ACCSL: variants seen among roughly 807,000 people sequenced by gnomAD.
The protein encoded by ACCSL is probable inactive 1-aminocyclopropane-1-carboxylate synthase-like protein 2.
Under a neutral mutation model 61.7 loss-of-function variants are expected in ACCSL, and 55 were observed. The observed-to-expected ratio is 0.89, with a 90% CI of 0.72 to 1.12. The LOEUF is 1.12. Ranked by LOEUF, ACCSL falls within the 50% of genes most tolerant of loss-of-function variation. The pLI is 0.00. For missense variants in ACCSL, 632 were observed against 698.0 expected (o/e 0.91, Z 1.07); for synonymous variants, 258 against 264.3 (o/e 0.98, Z 0.23).
Position 44,053,115 on chromosome 11 carries a change from A to C in ACCSL, c.948+47A>C, listed in dbSNP as rs776676379. The C allele has an allele frequency of 7.2e-6, 11 of 1,536,124 alleles. No individual in the cohort carries two copies. The South Asian group carries it at 1.2e-4, about 17-fold the overall frequency. On this transcript the variant is annotated intron_variant, in intron 7 of 13. Coordinates refer to ENST00000378832, the MANE Select transcript of ACCSL (RefSeq NM_001031854.2). Reference sequence around the variant, plus strand: ...TAGGATGGCCACTGCTGGTCCTAAAAGGGGTTTGAGTATTGAAATTCTGGT... The same window carrying C: ...TAGGATGGCCACTGCTGGTCCTAAACGGGGTTTGAGTATTGAAATTCTGGT...
the ACCSL span, chr11:43,933,235 A>C: frequency 2.2e-6 from 1 of 454,066 alleles, no homozygotes; most frequent in Admixed American, 2.4e-5. Flanking sequence ...CGAGGCTACA[A>C]GCCCAGTCTC....
At chr11:44,026,070 T>A in the ACCSL span, among the ~76,000 whole-genome samples, 1 of 152,202 alleles carries the variant, frequency 6.6e-6, no homozygotes, top group Non-Finnish European at 1.5e-5. Flanking sequence ...GTGTGCAGAT[T>A]AATATTTTCA....
chr11:44,004,898 C>A, the ACCSL span, among the ~76,000 whole-genome samples: 1 of 152,178 alleles, frequency 6.6e-6, no homozygotes, highest in Admixed American at 6.5e-5. Flanking sequence ...GGAGTTCTTT[C>A]CCATCGAGGG....
chr11:43,964,351 C>T, the ACCSL span, among the ~76,000 whole-genome samples: 1 of 151,340 alleles, frequency 6.6e-6, no homozygotes, highest in East Asian at 1.9e-4. Context: ...GCAGGAGAAT[C>T]ACTTGAACCT....
chr11:43,972,944 A>G, the ACCSL span, among the ~76,000 whole-genome samples: 1 of 152,142 alleles, frequency 6.6e-6, no homozygotes, highest in Non-Finnish European at 1.5e-5. Flanking sequence ...GGAGTTTGAG[A>G]CCAGCTTGGG....
the ACCSL span, among the ~76,000 whole-genome samples, chr11:43,971,702 A>G: frequency 1.3e-5 from 2 of 152,198 alleles, no homozygotes; most frequent in Non-Finnish European, 2.9e-5. Context: ...ATGGAGTACT[A>G]GGTGTGAAGG....
the ACCSL span, among the ~76,000 whole-genome samples, chr11:43,980,371 G>A: frequency 6.6e-6 from 1 of 152,186 alleles, no homozygotes; most frequent in Non-Finnish European, 1.5e-5. Flanking sequence ...AAACATTGGA[G>A]CAATTTATGT....
the ACCSL span, among the ~76,000 whole-genome samples, chr11:43,970,529 G>C: frequency 1.3e-5 from 2 of 152,152 alleles, no homozygotes. Context: ...GAGAACATAC[G>C]TCTCATTCCT....
the ACCSL span, among the ~76,000 whole-genome samples, chr11:43,959,561 G>T: frequency 6.6e-6 from 1 of 152,264 alleles, no homozygotes; most frequent in Non-Finnish European, 1.5e-5. Flanking sequence ...GGGGAGTGAT[G>T]CAAGAGACAC....
the ACCSL span, chr11:43,943,793 T>C: frequency 1.1e-5 from 14 of 1,303,534 alleles, no homozygotes; most frequent in Non-Finnish European, 1.4e-5. The surrounding 1 kb of genome is among the most constrained non-coding windows in gnomAD (Gnocchi z 4.8). Flanking sequence ...TTGCGATGGC[T>C]GAAGGCATTT....
At chr11:44,058,898 A>G (rs1205315403) in intron 13 of ACCSL, among the ~76,000 whole-genome samples, 199 bp downstream of exon 13, 1 of 152,132 alleles carries the variant, frequency 6.6e-6, no homozygotes, top group Non-Finnish European at 1.5e-5. Flanking sequence ...CATTTGGGGT[A>G]TCTGTTCTGT....
At chr11:44,039,499 G>T in the ACCSL span, among the ~76,000 whole-genome samples, 1 of 151,878 alleles carries the variant, frequency 6.6e-6, no homozygotes, top group African/African-American at 2.4e-5. Context: ...TTGGGGACTC[G>T]GGGGGAAAGG....
In ACCSL at chr11:44,048,340, A is replaced by G; in HGVS notation, c.304A>G (p.Arg102Gly). ...LQVPLPSEDS[R>G]GDVRYGQRAQ... ...AGTGCCTCTTCCTTCTGAGGACTCTAGGGGTGATGTCAGATATGGGCAGAG... is the reference window on the plus strand; with the variant it reads ...AGTGCCTCTTCCTTCTGAGGACTCTGGGGGTGATGTCAGATATGGGCAGAG... The change falls in exon 1 of 14, where the codon AGG becomes GGG. Residue 102 changes from arginine to glycine, a missense_variant. Arg to Gly is a moderately radical substitution (Grantham distance 125, BLOSUM62 -2). Transcript: ENST00000378832. 6.2e-7 allele frequency: 1 copy of G among 1,613,918 alleles called. No homozygotes were observed. The highest frequency in any genetic ancestry group is 8.5e-7 in the Non-Finnish European group (1 of 1,179,956).
At chr11:43,928,952 T>C in the ACCSL span, among the ~76,000 whole-genome samples, 71 of 152,184 alleles carry the variant, frequency 4.7e-4, no homozygotes, top group African/African-American at 1.6e-3. Flanking sequence ...TCCAAGATGC[T>C]TCAGAGGAAA....
upstream of ACCSL, among the ~76,000 whole-genome samples, chr11:44,046,842 A>G (rs571523885): frequency 2.6e-5 from 4 of 152,252 alleles, no homozygotes; most frequent in South Asian, 8.3e-4. Context: ...ACCTTCTGGG[A>G]TCTTGCTATC....
chr11:44,033,266 T>G, the ACCSL span, among the ~76,000 whole-genome samples: 20 of 152,228 alleles, frequency 1.3e-4, no homozygotes, highest in African/African-American at 4.8e-4. Flanking sequence ...GCCACGTAGT[T>G]TGCCTGGCCA....
At chr11:44,027,306 T>C in the ACCSL span, among the ~76,000 whole-genome samples, 1 of 152,208 alleles carries the variant, frequency 6.6e-6, no homozygotes, top group Non-Finnish European at 1.5e-5. Context: ...TTCATGGGTA[T>C]GTGCATGCCT....
the ACCSL span, among the ~76,000 whole-genome samples, chr11:44,000,662 G>A: frequency 2.7e-5 from 4 of 150,138 alleles, no homozygotes; most frequent in Non-Finnish European, 5.9e-5. Context: ...TTGCAGTGTG[G>A]CAGTGTGCTG....
the ACCSL span, among the ~76,000 whole-genome samples, chr11:44,014,512 AG>A: frequency 1.3e-5 from 2 of 151,154 alleles, no homozygotes; most frequent in Non-Finnish European, 1.5e-5. Context: ...AGAGAGAGAG[AG>A]AGAGAGAGAG....
Sources: allele counts gnomAD v4.1 joint callset (sites outside exome capture counted in the v4.1 genomes callset), GRCh38; gene constraint gnomAD v4.1.1; non-coding constraint Gnocchi (gnomAD v3.1); transcripts MANE v1.5; gene names NCBI Gene and HGNC (gene_info 2026-07-23, HGNC 2026-07-21).